Variants in DPP10 observed in about 807,000 individuals in gnomAD.
DPP10 encodes the protein dipeptidyl peptidase like 10.
In DPP10, 33 loss-of-function variants were observed where a neutral mutation model predicts 120.9. The observed-to-expected ratio is 0.27, with a 90% CI of 0.21 to 0.37. The LOEUF (loss-of-function observed/expected upper bound fraction) is 0.37. Among genes scored for constraint, DPP10 ranks in the 10% least tolerant of loss-of-function variants. The pLI is 1.00. For synonymous variants in DPP10, 337 were observed against 326.1 expected, an observed-to-expected ratio of 1.03 and a Z score of -0.36; for missense variants, 816 against 942.8, an observed-to-expected ratio of 0.87 and a Z score of 1.76.
Position 115,454,557 on chromosome 2 carries a change from T to C in DPP10, c.272-44953T>C, listed in dbSNP as rs930245885. 4.0e-5 allele frequency among the ~76,000 whole-genome samples: 6 copies of C among 151,650 alleles called. 1 individual carries two copies. Among genetic ancestry groups the C allele is most frequent in the Non-Finnish European group, 7.4e-5 (5 of 67,712 alleles). Reference sequence around the variant, plus strand: ...ATGATAAAAACTCTCAAAAAACTAGTAATAAAAGGGAATATCTTTAAAATG... The same window carrying C: ...ATGATAAAAACTCTCAAAAAACTAGCAATAAAAGGGAATATCTTTAAAATG... On this transcript the variant is annotated intron_variant, in intron 3 of 25. Transcript: ENST00000410059.
chr2:114,732,397 C>T (rs1224160623), intron 1 of DPP10, among the ~76,000 whole-genome samples: 1 of 152,124 alleles, frequency 6.6e-6, no homozygotes, highest in African/African-American at 2.4e-5. Context: ...TGCTAAACTC[C>T]AAACATTAGC....
chr2:115,755,172 T>G (rs1257031011), intron 11 of DPP10, among the ~76,000 whole-genome samples: 1 of 152,108 alleles, frequency 6.6e-6, no homozygotes, highest in Admixed American at 6.6e-5. Flanking sequence ...GTTTTTAAAC[T>G]GCATATAAAT....
intron 1 of DPP10, among the ~76,000 whole-genome samples, chr2:115,113,836 T>C (rs1250936623): frequency 2.6e-5 from 4 of 152,208 alleles, no homozygotes; most frequent in Non-Finnish European, 5.9e-5. Flanking sequence ...TTGGTTCTTA[T>C]TTAGCTGTTA....
At chr2:115,355,749 TG>T (rs2064339137) in intron 3 of DPP10, among the ~76,000 whole-genome samples, 1 of 152,122 alleles carries the variant, frequency 6.6e-6, no homozygotes, top group African/African-American at 2.4e-5. Flanking sequence ...GTGAGGAAGG[TG>T]CCCAGTTTCA....
Position 115,499,603 on chromosome 2 carries a change from T to A in DPP10, c.365T>A (p.Phe122Tyr). The stretch of plus-strand genomic sequence containing the variant: ...ACATTATTATTGGAAAACACAACTT[T>A]TGTAAGTAATGAATAATTAATTACT... ...ATTLLLENTT[F>Y]VTFKASRHSV... is the part of the protein sequence containing the mutation. Residue 122 changes from phenylalanine to tyrosine, a missense_variant and splice_region_variant, in exon 4 of 26, where the codon TTT becomes TAT. Physicochemically the swap from Phe to Tyr is conservative, Grantham distance 22 (BLOSUM62 3). Coordinates refer to ENST00000410059, the MANE Select transcript of DPP10 (RefSeq NM_020868.6). 1 of 1,603,348 alleles carries A rather than the reference T, an allele frequency of 6.2e-7. No homozygotes were observed. Among genetic ancestry groups the A allele is most frequent in the South Asian group, 1.1e-5 (1 of 90,690 alleles).
intron 1 of DPP10, among the ~76,000 whole-genome samples, chr2:114,648,766 A>G (rs996314108): frequency 3.7e-4 from 57 of 152,202 alleles, no homozygotes; most frequent in African/African-American, 1.4e-3. Flanking sequence ...AGTCAGGTGC[A>G]CCCAATGCTA....
At chr2:115,751,496 A>T (rs1678702069) in intron 10 of DPP10, among the ~76,000 whole-genome samples, 1 of 152,214 alleles carries the variant, frequency 6.6e-6, no homozygotes, top group African/African-American at 2.4e-5. Flanking sequence ...GTTTTCAAGC[A>T]GAGCTCAGCT....
At chr2:114,489,586 CAG>C (rs1320979749) in intron 1 of DPP10, among the ~76,000 whole-genome samples, 2 of 152,200 alleles carry the variant, frequency 1.3e-5, no homozygotes, top group African/African-American at 4.8e-5. Flanking sequence ...TTGCGACAAT[CAG>C]TGCTCAACAC....
intron 10 of DPP10, chr2:115,750,105 G>A (rs1157777216): frequency 1.0e-6 from 1 of 985,378 alleles, no homozygotes; most frequent in Non-Finnish European, 1.2e-6. Context: ...ACTGGTCGTG[G>A]AACACCAGAT....
chr2:114,838,686 G>T (rs139317834), intron 1 of DPP10, among the ~76,000 whole-genome samples: 13 of 152,170 alleles, frequency 8.5e-5, no homozygotes, highest in African/African-American at 2.9e-4. Context: ...TTCTCCCTAG[G>T]AATATGCCCT....
intron 1 of DPP10, among the ~76,000 whole-genome samples, chr2:114,530,258 AT>A (rs1423085553): frequency 1.3e-5 from 2 of 152,096 alleles, no homozygotes; most frequent in Non-Finnish European, 2.9e-5. Flanking sequence ...CTTGTTTTTC[AT>A]TTTATCTGTA....
intron 5 of DPP10, among the ~76,000 whole-genome samples, chr2:115,668,696 T>A (rs2089647052): frequency 6.6e-6 from 1 of 152,094 alleles, no homozygotes; most frequent in South Asian, 2.1e-4. Flanking sequence ...TCTCATCCAC[T>A]CTCAAATTCA....
intron 5 of DPP10, among the ~76,000 whole-genome samples, chr2:115,609,791 G>A (rs989822969): frequency 1.3e-5 from 2 of 152,046 alleles, no homozygotes; most frequent in Non-Finnish European, 2.9e-5. Context: ...GCTCAGCTGT[G>A]AATAATATTT....
intron 1 of DPP10, among the ~76,000 whole-genome samples, chr2:114,713,795 G>A (rs1330685699): frequency 6.6e-6 from 1 of 151,984 alleles, no homozygotes; most frequent in Non-Finnish European, 1.5e-5. Flanking sequence ...AGACCAGCCT[G>A]GCCAACATGG....
In DPP10 at chr2:115,834,215, A is replaced by T. The variant is rs1689216337; in HGVS notation, c.1951-1942A>T. Among the ~76,000 whole-genome samples the T allele has an allele frequency of 3.3e-5, 5 of 152,164 alleles. No individual in the cohort carries two copies. The South Asian group carries it at 1.0e-3, about 31-fold the overall frequency. ...ACTGCATTTTGAACTTTTATGTACC[A>T]ATTTTTAAATGATGCTCCAAATACA... On this transcript the variant is annotated intron_variant, in intron 21 of 25. Transcript: ENST00000410059.
At chr2:115,183,239 T>A (rs999448515) in intron 1 of DPP10, among the ~76,000 whole-genome samples, 2 of 152,156 alleles carry the variant, frequency 1.3e-5, no homozygotes, top group African/African-American at 2.4e-5. Flanking sequence ...GTTCATTCAT[T>A]TTTTAGAGAT....
intron 1 of DPP10, among the ~76,000 whole-genome samples, chr2:114,868,193 T>C (rs953618631): frequency 2.0e-5 from 3 of 152,186 alleles, no homozygotes; most frequent in Admixed American, 6.5e-5. Flanking sequence ...ATGTAAAATG[T>C]GCTTGTTACT....
At chr2:115,825,783 G>A (rs554633554) in intron 21 of DPP10, among the ~76,000 whole-genome samples, 44 of 152,254 alleles carry the variant, frequency 2.9e-4, no homozygotes, top group African/African-American at 1.1e-3. Flanking sequence ...GTTTGGCTAT[G>A]CCATAAGACA....
intron 1 of DPP10, among the ~76,000 whole-genome samples, chr2:114,487,338 C>G (rs1259540464): frequency 6.6e-6 from 1 of 152,070 alleles, no homozygotes; most frequent in Non-Finnish European, 1.5e-5. Flanking sequence ...TGAGAGAATC[C>G]TCATGTTGCT....
Sources: allele counts gnomAD v4.1 joint callset (sites outside exome capture counted in the v4.1 genomes callset), GRCh38; gene constraint gnomAD v4.1.1; transcripts MANE v1.5; gene names NCBI Gene and HGNC (gene_info 2026-07-23, HGNC 2026-07-21).